Variants in CAPRIN2 observed in about 807,000 individuals in gnomAD.
The protein encoded by CAPRIN2 is caprin-2.
A neutral mutation model predicts 130.4 loss-of-function variants in CAPRIN2; 66 were observed. The ratio of observed to expected loss-of-function variants is 0.51; its 90% CI spans 0.42 to 0.62. The LOEUF (loss-of-function observed/expected upper bound fraction) is 0.62. Among genes scored for constraint, CAPRIN2 ranks in the 20% least tolerant of loss-of-function variants. The pLI is 0.00. For missense variants in CAPRIN2, 1,185 were observed against 1,246.6 expected, an observed-to-expected ratio of 0.95 and a Z score of 0.74; for synonymous variants, 471 against 444.1, an observed-to-expected ratio of 1.06 and a Z score of -0.76.
chr12:30,710,287 A>G lies in CAPRIN2; in HGVS notation c.2849T>C (p.Phe950Ser), dbSNP rs2053847130. ...CAGATTAGAGGTTCTGGCTGCTGAG[A>G]AGGCAACTCGCATCTGCTGAGGCAG... Residue 950 changes from phenylalanine (F) to serine (S), a missense_variant, in exon 17 of 17, where the codon TTC becomes TCC. Phe to Ser is a radical substitution (Grantham distance 155, BLOSUM62 -2). Coordinates refer to ENST00000298892, the Ensembl canonical transcript of CAPRIN2. This position sits in a 1 kb window ranked among gnomAD's most constrained non-coding sequence, Gnocchi z 4.8. 3 of 1,614,188 alleles carry G rather than the reference A, an allele frequency of 1.9e-6. No individual in the cohort carries two copies. The highest frequency in any genetic ancestry group is 2.5e-6 in the Non-Finnish European group (3 of 1,180,042).
At position 30,710,562 on chromosome 12, in the gene CAPRIN2, A is replaced by G. The variant is rs1429067710; in HGVS notation, c.2666-92T>C. 1 of 1,558,244 alleles carries G rather than the reference A, an allele frequency of 6.4e-7. No homozygotes were observed. The highest frequency in any genetic ancestry group is 1.9e-5 in the Admixed American group (1 of 53,200). ...TAGTCGGCTACTGAAACAGACAAAG[A>G]TACATTTTATAGTAAATTCCAAAAC... On this transcript the variant is annotated intron_variant, in intron 16 of 16. Coordinates refer to ENST00000298892, the Ensembl canonical transcript of CAPRIN2. This position sits in a 1 kb window ranked among gnomAD's most constrained non-coding sequence, Gnocchi z 4.8.
chr12:30,733,261 G>A (rs1381257759), intron 5 of CAPRIN2, among the ~76,000 whole-genome samples: 2 of 152,074 alleles, frequency 1.3e-5, no homozygotes, highest in Non-Finnish European at 2.9e-5. Context: ...GGCTGATCTG[G>A]TAGATAAGCC....
rs1182132459 is a variant in CAPRIN2, at chr12:30,751,062, G to T, written c.483+9C>A. 1 of 1,608,058 alleles carries T rather than the reference G, an allele frequency of 6.2e-7. No individual in the cohort carries two copies. The highest frequency in any genetic ancestry group is 8.5e-7 in the Non-Finnish European group (1 of 1,174,546). The stretch of plus-strand genomic sequence containing the variant: ...AGCAAGTCTTACTAAAAGATCATAA[G>T]CCACTTACCAACTGGTCTGGATTAA... On this transcript the variant is annotated intron_variant, in intron 2 of 16. Coordinates refer to ENST00000298892, the Ensembl canonical transcript of CAPRIN2.
Position 30,710,656 on chromosome 12 carries a change from A to G in CAPRIN2, c.2666-186T>C, listed in dbSNP as rs2054039006. The G allele has an allele frequency of 3.5e-6, 3 of 855,322 alleles. No individual in the cohort carries two copies. Among genetic ancestry groups the G allele is most frequent in the Non-Finnish European group, 5.2e-6 (3 of 574,198 alleles). The allele number at this position is 855,322 out of a possible 1,614,324, so 53.0% of individuals were successfully genotyped here. On this transcript the variant is annotated intron_variant, in intron 16 of 16. Transcript: ENST00000298892. This position sits in a 1 kb window ranked among gnomAD's most constrained non-coding sequence, Gnocchi z 4.8. ...GTAATAGGTTTTTACATACTCTTCTAAAGCCAGAAAGGTCCAAGATAATCT... is the reference window on the plus strand; with the variant it reads ...GTAATAGGTTTTTACATACTCTTCTGAAGCCAGAAAGGTCCAAGATAATCT...
intron 11 of CAPRIN2, among the ~76,000 whole-genome samples, chr12:30,721,736 G>A (rs576102058): frequency 6.6e-6 from 1 of 152,314 alleles, no homozygotes; most frequent in South Asian, 2.1e-4. Context: ...GGAAACTAAT[G>A]AAGGGTTACA....
chr12:30,753,287 G>T, intron 1 of CAPRIN2, 57 bp downstream of exon 2: 1 of 1,425,644 alleles, frequency 7.0e-7, no homozygotes, highest in Non-Finnish European at 9.5e-7. Context: ...AAAGAAAAAT[G>T]TCAGCTCCTT....
chr12:30,722,211 T>C (rs899972733), intron 11 of CAPRIN2, among the ~76,000 whole-genome samples: 1 of 152,238 alleles, frequency 6.6e-6, no homozygotes. Flanking sequence ...AAATTAGTGC[T>C]TTTTAAGTAG....
In CAPRIN2 at chr12:30,720,967, A is replaced by G. The variant is rs543004335; in HGVS notation, c.2044-52T>C. On this transcript the variant is annotated intron_variant, in intron 11 of 16. Coordinates refer to ENST00000298892, the Ensembl canonical transcript of CAPRIN2. ...GTAAAAGGCACATTTTGTTCACTTT[A>G]TATTTCTTGGGCCCTGGCCTTCCTA... 51 of 1,314,404 alleles carry G rather than the reference A, an allele frequency of 3.9e-5. 1 individual carries two copies. The South Asian group carries it at 5.0e-4, about 13-fold the overall frequency. 81.4% of individuals were successfully genotyped at this position (1,314,404 alleles called of 1,614,324 possible). A position where few individuals can be genotyped will look rare whatever the true frequency, so the allele number is the denominator to read the frequency against.
rs764717286 is a variant in CAPRIN2, at chr12:30,710,111, G to C, written c.3025C>G (p.Pro1009Ala). The change falls in exon 17 of 17, where the codon CCA (proline) becomes GCA (alanine). Residue 1009 changes from proline (P) to alanine (A), a missense_variant. Physicochemically the swap from Pro to Ala is conservative, Grantham distance 27 (BLOSUM62 -1). Around this residue, in one of 2 missense-constraint regions of CAPRIN2, gnomAD observed 81 missense variants for 142.2 expected, o/e 0.57. Coordinates refer to ENST00000298892, the Ensembl canonical transcript of CAPRIN2. This position sits in a 1 kb window ranked among gnomAD's most constrained non-coding sequence, Gnocchi z 4.8. The stretch of plus-strand genomic sequence containing the variant: ...TTCTTCATGAGGTTGACATACAGTG[G>C]CACATTCACTGCCAGCTTTAGCATG... 1.2e-6 allele frequency: 2 copies of C among 1,614,092 alleles called. No homozygotes were observed. Among genetic ancestry groups the C allele is most frequent in the Admixed American group, 3.3e-5 (2 of 60,026 alleles).
intron 9 of CAPRIN2, among the ~76,000 whole-genome samples, chr12:30,725,299 T>A (rs1210041444): frequency 2.0e-5 from 3 of 152,216 alleles, no homozygotes; most frequent in Admixed American, 2.0e-4. Context: ...TTCTTACATC[T>A]TCAACTAATC....
At chr12:30,715,318 T>TAA (rs1555135954) in intron 13 of CAPRIN2, 177 bp from the exon 16 acceptor site, 1 of 656,764 alleles carries the variant, frequency 1.5e-6, no homozygotes, top group Non-Finnish European at 2.7e-6. Flanking sequence ...TTCATATATA[T>TAA]AATGGAATAT....
At chr12:30,729,513 C>A (rs1439801579) in intron 7 of CAPRIN2, among the ~76,000 whole-genome samples, 188 bp from the exon 9 acceptor site, 1 of 152,070 alleles carries the variant, frequency 6.6e-6, no homozygotes, top group Non-Finnish European at 1.5e-5. Flanking sequence ...CTGTCCATTC[C>A]TTTTTCCTCA....
rs762539622 is a variant in CAPRIN2 at position 30,726,049 on chromosome 12, T to C, written c.1822A>G (p.Thr608Ala). The C allele has an allele frequency of 5.0e-6, 8 of 1,593,504 alleles. No individual in the cohort carries two copies. In the South Asian group the frequency reaches 9.2e-5, roughly 18 times the overall value. ...CTCAATACTGGATCCTTCGGAAGGGTAGAGGAAGAACCTACAGGCTGATGC... is the reference window on the plus strand; with the variant it reads ...CTCAATACTGGATCCTTCGGAAGGGCAGAGGAAGAACCTACAGGCTGATGC... The change falls in exon 9 of 17, where the codon ACC becomes GCC. Residue 608 changes from threonine (T) to alanine (A), a missense_variant. Transcript: ENST00000298892.
chr12:30,753,575 G>A lies in CAPRIN2; in HGVS notation c.189C>T (p.Ser63=), dbSNP rs752531510. Residue 63 remains serine (S), a synonymous_variant, in exon 1 of 17, where the codon TCC becomes TCT. Transcript: ENST00000298892. ...CTGAAGGTGACTGGTAACCAAAAGGGGATGAAAAGAGTTGCACCATTGAAA... is the reference window on the plus strand; with the variant it reads ...CTGAAGGTGACTGGTAACCAAAAGGAGATGAAAAGAGTTGCACCATTGAAA... The A allele has an allele frequency of 6.2e-7, 1 of 1,614,058 alleles. No individual in the cohort carries two copies. Among genetic ancestry groups the A allele is most frequent in the Non-Finnish European group, 8.5e-7 (1 of 1,180,022 alleles).
rs1202578918 is a variant in CAPRIN2 at position 30,723,266 on chromosome 12, G to A, written c.2036C>T (p.Pro679Leu). The change falls in exon 11 of 17, where the codon CCG becomes CTG. Residue 679 changes from proline to leucine, a missense_variant. By Grantham distance (98) the Pro-to-Leu change is moderately conservative. Coordinates refer to ENST00000298892, the Ensembl canonical transcript of CAPRIN2. ...ATTAATTTGGAAAGTTACCTGTAAC[G>A]GCTCTTGAAGAAAATCACTTTGACT... 6 of 1,609,650 alleles carry A rather than the reference G, an allele frequency of 3.7e-6. No homozygotes were observed. The highest frequency in any genetic ancestry group is 5.1e-6 in the Non-Finnish European group (6 of 1,176,374).
chr12:30,731,628 CA>C, intron 5 of CAPRIN2, 118 bp from the exon 7 acceptor site: 9 of 776,840 alleles, frequency 1.2e-5, no homozygotes, highest in Non-Finnish European at 1.9e-5. Flanking sequence ...CATTGATGTA[CA>C]TAGTACATCC....
chr12:30,751,059 T>A lies in CAPRIN2; in HGVS notation c.483+12A>T, dbSNP rs1413282841. On this transcript the variant is annotated intron_variant, in intron 2 of 16. Transcript: ENST00000298892. ...ACCAGCAAGTCTTACTAAAAGATCA[T>A]AAGCCACTTACCAACTGGTCTGGAT... is the stretch of plus-strand genomic sequence containing the variant. 1.2e-6 allele frequency: 2 copies of A among 1,607,556 alleles called. No homozygotes were observed. The highest frequency in any genetic ancestry group is 1.7e-6 in the Non-Finnish European group (2 of 1,174,148).
intron 8 of CAPRIN2, among the ~76,000 whole-genome samples, chr12:30,727,965 G>A (rs978198316): frequency 5.9e-5 from 9 of 152,124 alleles, no homozygotes; most frequent in African/African-American, 1.9e-4. Flanking sequence ...AAAGTTATTC[G>A]TATAGCAGGT....
At chr12:30,743,429 T>C (rs2068448561) in intron 2 of CAPRIN2, among the ~76,000 whole-genome samples, 1 of 152,192 alleles carries the variant, frequency 6.6e-6, no homozygotes, top group Non-Finnish European at 1.5e-5. Context: ...TAGCTGAAGT[T>C]AGCAATTGTC....
Sources: allele counts gnomAD v4.1 joint callset (sites outside exome capture counted in the v4.1 genomes callset), GRCh38; gene constraint gnomAD v4.1.1; regional missense constraint gnomAD v4.1.1; non-coding constraint Gnocchi (gnomAD v3.1); transcripts MANE v1.5; gene names NCBI Gene and HGNC (gene_info 2026-07-23, HGNC 2026-07-21).